BTRC: variants seen among roughly 807,000 people sequenced by gnomAD.
BTRC encodes beta-transducin repeat containing E3 ubiquitin protein ligase, also known as F-box/WD repeat-containing protein 1A.
In BTRC, 42 loss-of-function variants were observed where a neutral mutation model predicts 85.5. The ratio of observed to expected loss-of-function variants is 0.49; its 90% CI spans 0.38 to 0.64. The LOEUF is 0.64. Among genes scored for constraint, BTRC ranks in the 30% least tolerant of loss-of-function variants. The pLI is 0.00. For missense variants in BTRC, 594 were observed against 743.5 expected, an observed-to-expected ratio of 0.80 and a Z score of 2.34; for synonymous variants, 255 against 263.3, an observed-to-expected ratio of 0.97 and a Z score of 0.30.
chr10:101,378,879 A>T lies in BTRC; in HGVS notation c.48+24651A>T, dbSNP rs544234798. Among the ~76,000 whole-genome samples, 44 of 152,240 alleles carry T rather than the reference A, an allele frequency of 2.9e-4. 1 individual carries two copies. The South Asian group carries it at 8.9e-3, about 31-fold the overall frequency. On this transcript the variant is annotated intron_variant, in intron 1 of 14. Transcript: ENST00000370187. ...TGAAGCAGTATTCAGTAATATATTG[A>T]AATGAGAAATAGGCGGTCAAGCAGT...
intron 4 of BTRC, among the ~76,000 whole-genome samples, chr10:101,511,998 T>C (rs2061962520): frequency 6.6e-6 from 1 of 152,246 alleles, no homozygotes. Flanking sequence ...CAATCCTTAC[T>C]GGTTTGTGAA....
intron 4 of BTRC, among the ~76,000 whole-genome samples, chr10:101,512,395 C>T (rs2061968607): frequency 6.6e-6 from 1 of 152,154 alleles, no homozygotes; most frequent in South Asian, 2.1e-4. Flanking sequence ...ATACTTTGTT[C>T]ATCTAGTCCT....
chr10:101,541,139 A>G (rs1003424341), intron 13 of BTRC, among the ~76,000 whole-genome samples: 4 of 151,700 alleles, frequency 2.6e-5, no homozygotes, highest in African/African-American at 7.3e-5. Context: ...CTCCAGTACA[A>G]TGTTAAAAAC....
At chr10:101,425,022 G>T (rs1012115853) in intron 1 of BTRC, among the ~76,000 whole-genome samples, 2 of 152,058 alleles carry the variant, frequency 1.3e-5, no homozygotes, top group African/African-American at 4.8e-5. Flanking sequence ...TCAAGGTTTT[G>T]TTCCTATGTA....
At chr10:101,467,329 G>GT (rs776563405) in intron 3 of BTRC, among the ~76,000 whole-genome samples, 3,702 of 117,148 alleles carry the variant, frequency 0.032, 90 homozygotes, top group African/African-American at 0.058. Flanking sequence ...GGCAGGCAGG[G>GT]TTTTTTTTTT....
intron 4 of BTRC, among the ~76,000 whole-genome samples, chr10:101,494,078 C>T (rs1946201826): frequency 6.6e-6 from 1 of 152,234 alleles, no homozygotes; most frequent in Non-Finnish European, 1.5e-5. Flanking sequence ...AAACACAGCT[C>T]TTGATTGAGG....
intron 1 of BTRC, among the ~76,000 whole-genome samples, chr10:101,366,800 AT>A (rs1564729715): frequency 6.5e-5 from 6 of 91,976 alleles, no homozygotes; most frequent in Non-Finnish European, 1.2e-4. Context: ...TTTTACATTT[AT>A]ATATATATTT....
intron 2 of BTRC, among the ~76,000 whole-genome samples, chr10:101,453,326 C>A (rs1056418150): frequency 6.6e-6 from 1 of 152,136 alleles, no homozygotes; most frequent in African/African-American, 2.4e-5. Context: ...TGTTCAAAAT[C>A]AGTTATAATC....
At chr10:101,492,665 C>A (rs1437942713) in intron 4 of BTRC, among the ~76,000 whole-genome samples, 1 of 151,954 alleles carries the variant, frequency 6.6e-6, no homozygotes, top group Non-Finnish European at 1.5e-5. Context: ...TTTCTTTAAC[C>A]CTTTCTTTAG....
At chr10:101,484,100 A>T (rs1945918803) in intron 4 of BTRC, among the ~76,000 whole-genome samples, 1 of 152,058 alleles carries the variant, frequency 6.6e-6, no homozygotes, top group Non-Finnish European at 1.5e-5. Context: ...TGGGAAATAA[A>T]CCCCTTCAGT....
At chr10:101,360,846 T>C (rs1942185920) in intron 1 of BTRC, among the ~76,000 whole-genome samples, 1 of 152,104 alleles carries the variant, frequency 6.6e-6, no homozygotes, top group Admixed American at 6.5e-5. Flanking sequence ...TTTATTTTAT[T>C]TGGGCGCAGC....
intron 4 of BTRC, among the ~76,000 whole-genome samples, chr10:101,492,015 A>G (rs1946146654): frequency 6.6e-6 from 1 of 152,162 alleles, no homozygotes. Flanking sequence ...AAGGTTAGAA[A>G]TGCTTGACAG....
intron 2 of BTRC, among the ~76,000 whole-genome samples, chr10:101,446,358 G>A (rs9787495): frequency 0.32 from 48,621 of 151,870 alleles, 9,352 homozygotes; most frequent in Middle Eastern, 0.47. Context: ...GCCTTTTTCT[G>A]TAGTGTTTGC....
rs201063044 is a variant in BTRC, at chr10:101,535,335, A to G, written c.1348-19A>G. On this transcript the variant is annotated intron_variant, in intron 10 of 14. Coordinates refer to ENST00000370187, the MANE Select transcript of BTRC (RefSeq NM_033637.4). ...ATAAAAGCACCAAATCAACTGCTCA[A>G]TGCCATTTTCTTTTTCAGGTATGGA... is the stretch of plus-strand genomic sequence containing the variant. 3.2e-5 allele frequency: 51 copies of G among 1,588,750 alleles called. No homozygotes were observed. The African/African-American group carries it at 4.6e-4, about 14-fold the overall frequency.
At chr10:101,529,721 T>C (rs1374885501) in intron 6 of BTRC, among the ~76,000 whole-genome samples, 1 of 152,222 alleles carries the variant, frequency 6.6e-6, no homozygotes, top group East Asian at 1.9e-4. Flanking sequence ...GCCATCTACC[T>C]TCCTGATAGG....
intron 1 of BTRC, among the ~76,000 whole-genome samples, chr10:101,369,430 C>T (rs952291842): frequency 1.3e-5 from 2 of 152,124 alleles, no homozygotes; most frequent in African/African-American, 4.8e-5. Flanking sequence ...CCTATTTGGC[C>T]AGTGGGAAGT....
At chr10:101,424,917 A>AGT (rs1189288736) in intron 1 of BTRC, among the ~76,000 whole-genome samples, 2 of 152,152 alleles carry the variant, frequency 1.3e-5, no homozygotes, top group Non-Finnish European at 2.9e-5. Context: ...GAGAGTGCAA[A>AGT]GTACCCATAG....
chr10:101,528,702 T>A (rs529602054), intron 6 of BTRC, among the ~76,000 whole-genome samples: 55 of 151,892 alleles, frequency 3.6e-4, no homozygotes, highest in African/African-American at 1.2e-3. Context: ...TTCCCTTTTT[T>A]AAAAAAAAAT....
intron 4 of BTRC, among the ~76,000 whole-genome samples, chr10:101,512,666 G>A (rs746723443): frequency 1.3e-5 from 2 of 152,210 alleles, no homozygotes; most frequent in African/African-American, 4.8e-5. Flanking sequence ...GGCCCAGGCT[G>A]CAGCTTCAGA....
Sources: allele counts gnomAD v4.1 joint callset (sites outside exome capture counted in the v4.1 genomes callset), GRCh38; gene constraint gnomAD v4.1.1; transcripts MANE v1.5; gene names NCBI Gene and HGNC (gene_info 2026-07-23, HGNC 2026-07-21).